The following LUC7L variants were observed in gnomAD, a reference collection of about 807,000 sequenced individuals.
The protein encoded by LUC7L is LUC7 like.
A neutral mutation model predicts 51.1 loss-of-function variants in LUC7L; 29 were observed. The observed-to-expected ratio is 0.57, with a 90% confidence interval of 0.42 to 0.77. The LOEUF (loss-of-function observed/expected upper bound fraction) is 0.77. Among genes scored for constraint, LUC7L ranks in the 30% least tolerant of loss-of-function variants. LUC7L has a pLI of 0.00. For missense variants in LUC7L, 403 were observed against 511.9 expected (o/e 0.79, Z 2.05); for synonymous variants, 181 against 180.7 (o/e 1.00, Z -0.01).
intron 7 of LUC7L, 190 bp from the exon 8 acceptor site, chr16:190,760 A>G: frequency 3.4e-6 from 2 of 594,366 alleles, no homozygotes; most frequent in Non-Finnish European, 6.0e-6. Flanking sequence ...GGTGCCTGTA[A>G]TCCCAGCTAC....
chr16:189,501 G>A, intron 9 of LUC7L, 162 bp from the exon 10 acceptor site: 2 of 1,409,600 alleles, frequency 1.4e-6, no homozygotes, highest in Admixed American at 5.8e-5. Flanking sequence ...CACATATGGA[G>A]TGTTAGATAG....
chr16:204,226 C>T (rs1453611599), intron 5 of LUC7L, among the ~76,000 whole-genome samples: 1 of 151,354 alleles, frequency 6.6e-6, no homozygotes, highest in African/African-American at 2.4e-5. Context: ...GACGGATCAC[C>T]TGAGGTCAGA....
At chr16:192,009 G>T (rs2049022707) in intron 7 of LUC7L, among the ~76,000 whole-genome samples, 1 of 152,072 alleles carries the variant, frequency 6.6e-6, no homozygotes, top group South Asian at 2.1e-4. Flanking sequence ...CCCACCTCAA[G>T]ATGGCCTCTC....
intron 6 of LUC7L, among the ~76,000 whole-genome samples, chr16:197,728 C>T (rs1435747417): frequency 6.6e-6 from 1 of 152,156 alleles, no homozygotes; most frequent in Non-Finnish European, 1.5e-5. Flanking sequence ...CCATATGCGG[C>T]CTGAGTGAGC....
At chr16:193,683 C>T (rs113867954) in intron 6 of LUC7L, among the ~76,000 whole-genome samples, 6 of 149,368 alleles carry the variant, frequency 4.0e-5, no homozygotes, top group African/African-American at 1.2e-4. Flanking sequence ...TTAGTAGAGA[C>T]GGGGTTTCAC....
intron 3 of LUC7L, among the ~76,000 whole-genome samples, chr16:218,992 A>G (rs2049890831): frequency 6.7e-6 from 1 of 149,772 alleles, no homozygotes; most frequent in Non-Finnish European, 1.5e-5. Context: ...GCAGCTACTC[A>G]GGAATCCGAG....
intron 3 of LUC7L, 126 bp from the exon 4 acceptor site, chr16:208,314 G>T: frequency 1.5e-6 from 1 of 666,722 alleles, no homozygotes; most frequent in East Asian, 3.0e-5. Flanking sequence ...TCAAGGGAAA[G>T]ATCTTAAACT....
At chr16:224,983 G>C (rs535116517) in intron 2 of LUC7L, among the ~76,000 whole-genome samples, 1 of 152,306 alleles carries the variant, frequency 6.6e-6, no homozygotes, top group South Asian at 2.1e-4. Context: ...CAAGGAGGCA[G>C]GGAAAAATAC....
chr16:208,332 C>A, intron 3 of LUC7L, 144 bp from the exon 4 acceptor site: 1 of 603,572 alleles, frequency 1.7e-6, no homozygotes, highest in South Asian at 2.0e-5. Flanking sequence ...ACTACACTAC[C>A]ACTAACGCAT....
chr16:190,744 G>C (rs375295714), intron 7 of LUC7L, 174 bp from the exon 8 acceptor site: 1 of 611,808 alleles, frequency 1.6e-6, no homozygotes, highest in Non-Finnish European at 2.9e-6. Flanking sequence ...GCCAGGCGTG[G>C]TGGCGGGTGC....
intron 1 of LUC7L, 138 bp downstream of exon 1, chr16:229,141 C>T: frequency 2.1e-6 from 3 of 1,409,608 alleles, no homozygotes; most frequent in South Asian, 1.5e-5. Context: ...CCGGCGCCTG[C>T]GGTCGGAGCG....
At chr16:205,900 A>C in intron 5 of LUC7L, 104 bp downstream of exon 5, 2 of 1,401,620 alleles carry the variant, frequency 1.4e-6, no homozygotes, top group Non-Finnish European at 1.9e-6. Flanking sequence ...AAAATGTATA[A>C]ATTTTTTAAA....
At chr16:226,749 T>C (rs1378944216) in intron 2 of LUC7L, among the ~76,000 whole-genome samples, 1 of 152,226 alleles carries the variant, frequency 6.6e-6, no homozygotes, top group African/African-American at 2.4e-5. Flanking sequence ...ATTAGAATAC[T>C]TGCCCTATTT....
intron 6 of LUC7L, among the ~76,000 whole-genome samples, chr16:198,223 A>G (rs887358746): frequency 1.4e-5 from 2 of 138,954 alleles, no homozygotes; most frequent in African/African-American, 5.4e-5. Flanking sequence ...AGCTTGCAGT[A>G]AGCCGAGATT....
intron 6 of LUC7L, among the ~76,000 whole-genome samples, chr16:193,498 C>G (rs1453666350): frequency 6.6e-6 from 1 of 151,914 alleles, no homozygotes; most frequent in Admixed American, 6.6e-5. Flanking sequence ...TGAAAAAATG[C>G]TTTATCATTA....
chr16:225,901 A>C (rs2050119346), intron 2 of LUC7L, among the ~76,000 whole-genome samples: 1 of 152,198 alleles, frequency 6.6e-6, no homozygotes, highest in African/African-American at 2.4e-5. Context: ...TGGCCAAGGA[A>C]AACATGGTTG....
chr16:207,463 C>T (rs1311709489), intron 4 of LUC7L, among the ~76,000 whole-genome samples: 1 of 152,084 alleles, frequency 6.6e-6, no homozygotes, highest in Non-Finnish European at 1.5e-5. Context: ...AGCAGTCTGC[C>T]CCCACCTTGG....
intron 5 of LUC7L, among the ~76,000 whole-genome samples, chr16:203,995 G>A (rs1052128105): frequency 3.3e-5 from 5 of 152,050 alleles, no homozygotes; most frequent in African/African-American, 7.2e-5. Flanking sequence ...CAGCCTGGGC[G>A]AATGAATGAG....
chr16:219,208 G>A (rs957453877), intron 3 of LUC7L, among the ~76,000 whole-genome samples: 1 of 151,954 alleles, frequency 6.6e-6, no homozygotes, highest in Non-Finnish European at 1.5e-5. Context: ...GGCCAACATG[G>A]TAAAACCCCA....
Sources: allele counts gnomAD v4.1 joint callset (sites outside exome capture counted in the v4.1 genomes callset), GRCh38; gene constraint gnomAD v4.1.1; transcripts MANE v1.5; gene names NCBI Gene and HGNC (gene_info 2026-07-23, HGNC 2026-07-21).